The following VKORC1 variants were observed in gnomAD, a reference collection of about 807,000 sequenced individuals.
VKORC1 encodes the protein vitamin K epoxide reductase complex subunit 1.
Under a neutral mutation model 14.8 loss-of-function variants are expected in VKORC1, and 12 were observed. The observed-to-expected ratio is 0.81, with a 90% CI of 0.52 to 1.31. The LOEUF is 1.31. VKORC1 is among the 50% of genes most tolerant of loss of function. VKORC1 has a pLI of 0.00. For missense variants in VKORC1, 223 were observed against 215.3 expected (o/e 1.04, Z -0.22); for synonymous variants, 94 against 92.5 (o/e 1.02, Z -0.09).
chr16:31,091,077 G>A lies in VKORC1; in HGVS notation c.*57C>T. ...TAGGGACCCAGATATGCCCCCTTAG[G>A]CAAGGCTCACATGCCAAAGCAAAGC... On this transcript the variant is annotated 3_prime_UTR_variant, in exon 3 of 3. Coordinates refer to ENST00000394975, the MANE Select transcript of VKORC1 (RefSeq NM_024006.6). 1 of 1,601,150 alleles carries A rather than the reference G, an allele frequency of 6.2e-7. No homozygotes were observed. Among genetic ancestry groups the A allele is most frequent in the Non-Finnish European group, 8.5e-7 (1 of 1,174,662 alleles).
chr16:31,094,149 T>C, intron 1 of VKORC1: 5 of 1,548,282 alleles, frequency 3.2e-6, no homozygotes, highest in Non-Finnish European at 4.4e-6. Context: ...CTGTATTCCG[T>C]CATTATGCTA....
chr16:31,093,826 C>A (rs1450085915), intron 1 of VKORC1: 2 of 266,792 alleles, frequency 7.5e-6, no homozygotes, highest in Non-Finnish European at 1.4e-5. Context: ...CCTGCCTTAG[C>A]CCCCCCGAGT....
chr16:31,092,902 C>A (rs1486702316), intron 2 of VKORC1: 5 of 571,602 alleles, frequency 8.7e-6, no homozygotes, highest in Non-Finnish European at 1.4e-5. Context: ...ATTAGCTGGG[C>A]ATAGTGGTGC....
rs2057284850 is a variant in VKORC1, at chr16:31,091,014, G to A, written c.*120C>T. The A allele has an allele frequency of 8.0e-6, 12 of 1,497,482 alleles. No homozygotes were observed. The highest frequency in any genetic ancestry group is 2.0e-5 in the Admixed American group (1 of 49,868). 92.8% of individuals were successfully genotyped at this position (1,497,482 alleles called of 1,614,324 possible). On this transcript the variant is annotated 3_prime_UTR_variant, in exon 3 of 3. Coordinates refer to ENST00000394975, the MANE Select transcript of VKORC1 (RefSeq NM_024006.6). Reference sequence around the variant, plus strand: ...ATTGTCATGTGCGGGTATGGCAGGAGGAGGGGGTAATCTAGAAGCCCCACA... The same window carrying A: ...ATTGTCATGTGCGGGTATGGCAGGAAGAGGGGGTAATCTAGAAGCCCCACA...
intron 2 of VKORC1, among the ~76,000 whole-genome samples, chr16:31,092,279 T>A (rs1022128717): frequency 4.8e-5 from 7 of 146,896 alleles, no homozygotes; most frequent in East Asian, 2.0e-4. Context: ...CAGTGAGCTA[T>A]GATTGTGCCA....
In VKORC1 at chr16:31,094,651, G is replaced by C. The variant is rs549914326; in HGVS notation, c.79C>G (p.Leu27Val). 270 of 1,607,320 alleles carry C rather than the reference G, an allele frequency of 1.7e-4. 2 individuals carry two copies. In the South Asian group the frequency reaches 1.9e-3, roughly 11 times the overall value. ...LTGLVLSLYA[L>V]HVKAARARDR... Reference sequence around the variant, plus strand: ...CGGGCGCGCGCCGCCTTCACGTGCAGCGCGTAGAGCGAGAGCACTAAGCCC... The same window carrying C: ...CGGGCGCGCGCCGCCTTCACGTGCACCGCGTAGAGCGAGAGCACTAAGCCC... Residue 27 changes from leucine to valine, a missense_variant, in exon 1 of 3, where the codon CTG becomes GTG. Transcript: ENST00000394975.
chr16:31,093,924 C>CTTA (rs1480594833), intron 1 of VKORC1: 3 of 373,870 alleles, frequency 8.0e-6, no homozygotes, highest in Admixed American at 4.2e-5. Context: ...CCAGGCTGGT[C>CTTA]AACTCCTGAC....
Position 31,090,865 on chromosome 16 carries a change from A to T in VKORC1, c.*269T>A. 1 of 518,564 alleles carries T rather than the reference A, an allele frequency of 1.9e-6. No homozygotes were observed. Among genetic ancestry groups the T allele is most frequent in the East Asian group, 3.6e-5 (1 of 27,636 alleles). The allele number at this position is 518,564 out of a possible 1,614,324, so 32.1% of individuals were successfully genotyped here. On this transcript the variant is annotated 3_prime_UTR_variant, in exon 3 of 3. Coordinates refer to ENST00000394975, the MANE Select transcript of VKORC1 (RefSeq NM_024006.6). ...GGTTCAGACTTGGCTGATTGATCTA[A>T]GAAACTTTATTGCTCAGAACCTTCC...
chr16:31,094,017 T>G, intron 1 of VKORC1: 1 of 896,612 alleles, frequency 1.1e-6, no homozygotes, highest in Non-Finnish European at 1.6e-6. Context: ...AAGTAATTCT[T>G]AAAATGGCAA....
At chr16:31,093,699 CTTTTTT>C (rs71151446) in intron 1 of VKORC1, 100 of 68,080 alleles carry the variant, frequency 1.5e-3, no homozygotes, top group Middle Eastern at 0.014. Flanking sequence ...AAGTAAGTCT[CTTTTTT>C]TTTTTTTTTT....
Position 31,093,278 on chromosome 16 carries a change from G to C in VKORC1, c.283+34C>G, listed in dbSNP as rs200039618. 512 of 1,590,890 alleles carry C rather than the reference G, an allele frequency of 3.2e-4. 1 individual carries two copies. The African/African-American group carries it at 6.4e-3, about 20-fold the overall frequency. The stretch of plus-strand genomic sequence containing the variant: ...CTGACCAAGGGGGATGAGGGGCGGG[G>C]CGGGGCGGGCAGGGAGGGGGCGGAG... On this transcript the variant is annotated intron_variant, in intron 2 of 2. Transcript: ENST00000394975.
chr16:31,094,770 G>C lies in VKORC1; in HGVS notation c.-41C>G. ...CCCGAGGCGCCCGCGGAGAAAACCA[G>C]CCACGGAGCAGGGGCCGGGCGGCGA... On this transcript the variant is annotated 5_prime_UTR_variant, in exon 1 of 3. Coordinates refer to ENST00000394975, the MANE Select transcript of VKORC1 (RefSeq NM_024006.6). 1 of 1,564,626 alleles carries C rather than the reference G, an allele frequency of 6.4e-7. No homozygotes were observed. Among genetic ancestry groups the C allele is most frequent in the Non-Finnish European group, 8.6e-7 (1 of 1,159,616 alleles).
intron 1 of VKORC1, 46 bp from the exon 2 acceptor site, chr16:31,093,467 C>T: frequency 1.2e-6 from 2 of 1,613,868 alleles, no homozygotes; most frequent in South Asian, 1.1e-5. Flanking sequence ...GGACTGTCAA[C>T]CCAGTGCCTT....
rs752892359 is a variant in VKORC1 at position 31,094,716 on chromosome 16, C to A, written c.14G>T (p.Trp5Leu). Residue 5 changes from tryptophan (W) to leucine (L), a missense_variant, in exon 1 of 3, where the codon TGG becomes TTG. Transcript: ENST00000394975. ...GAGCCGCACCCAGCCAGGGCTCCCC[C>A]AGGTGCTGCCCATTATCTCCAGGTT... MGST[W>L]GSPGWVRLAL... The A allele has an allele frequency of 1.2e-5, 19 of 1,606,112 alleles. No individual in the cohort carries two copies. The African/African-American group carries it at 2.4e-4, about 20-fold the overall frequency.
At chr16:31,093,656 A>C in intron 1 of VKORC1, 2 of 728,426 alleles carry the variant, frequency 2.7e-6, no homozygotes, top group Non-Finnish European at 4.0e-6. Flanking sequence ...GGACGTGGCT[A>C]CTCCGTAGGC....
At chr16:31,093,699 CTTTT>C (rs71151446) in intron 1 of VKORC1, 578 of 67,948 alleles carry the variant, frequency 8.5e-3, no homozygotes, top group African/African-American at 0.028. Context: ...AAGTAAGTCT[CTTTT>C]TTTTTTTTTT....
At chr16:31,094,407 G>T (rs1317989184) in intron 1 of VKORC1, 150 bp downstream of exon 1, 1 of 1,612,870 alleles carries the variant, frequency 6.2e-7, no homozygotes, top group Non-Finnish European at 8.5e-7. Flanking sequence ...CACCAGTATC[G>T]CTGGGTAGCT....
chr16:31,094,208 G>A, intron 1 of VKORC1: 1 of 1,596,728 alleles, frequency 6.3e-7, no homozygotes, highest in Non-Finnish European at 8.6e-7. Context: ...GTTCCTGGGC[G>A]CAGCCATCGC....
At chr16:31,092,400 C>T (rs1325611874) in intron 2 of VKORC1, among the ~76,000 whole-genome samples, 1 of 151,794 alleles carries the variant, frequency 6.6e-6, no homozygotes, top group Non-Finnish European at 1.5e-5. Flanking sequence ...TGCCATTGCC[C>T]AGGGAGGGAA....
Sources: allele counts gnomAD v4.1 joint callset (sites outside exome capture counted in the v4.1 genomes callset), GRCh38; gene constraint gnomAD v4.1.1; transcripts MANE v1.5; gene names NCBI Gene and HGNC (gene_info 2026-07-23, HGNC 2026-07-21).